The following JHY variants were observed in gnomAD, a reference collection of about 807,000 sequenced individuals.
JHY encodes the protein junctional cadherin complex regulator, also known as jhy protein homolog.
JHY carries 69 observed loss-of-function variants against 78.0 expected under a neutral mutation model. The observed-to-expected ratio is 0.88, with a 90% CI of 0.73 to 1.08. JHY has a LOEUF of 1.08. Among genes scored for constraint, JHY ranks in the 50% least tolerant of loss-of-function variants. The probability of loss-of-function intolerance (pLI) is 0.00; values close to 1 mark genes in which losing one functional copy is unlikely to be tolerated. For missense variants in JHY, 944 were observed against 927.8 expected, an observed-to-expected ratio of 1.02 and a Z score of -0.23; for synonymous variants, 368 against 342.6, an observed-to-expected ratio of 1.07 and a Z score of -0.82.
intron 3 of JHY, among the ~76,000 whole-genome samples, chr11:122,916,036 C>T (rs1336833198): frequency 6.6e-6 from 1 of 151,064 alleles, no homozygotes. Context: ...GGAAGGGTCT[C>T]GGGGGTAGGG....
Position 122,946,779 on chromosome 11 carries a change from G to T in JHY, c.1916G>T (p.Arg639Ile). Reference protein sequence around the residue: ...QLEKGKKHKKRSSSKNTKLKG... With the variant: ...QLEKGKKHKKISSSKNTKLKG... ...GAAAAGGGAAAAAAGCATAAGAAAA[G>T]AAGCAGCAGTAAGGTAATAAAAGCG... The change falls in exon 6 of 9, where the codon AGA becomes ATA. Residue 639 changes from arginine (R) to isoleucine (I), a missense_variant. Physicochemically the swap from Arg to Ile is moderately conservative, Grantham distance 97. Transcript: ENST00000227349. 6.2e-7 allele frequency: 1 copy of T among 1,611,960 alleles called. No homozygotes were observed. The highest frequency in any genetic ancestry group is 2.2e-5 in the East Asian group (1 of 44,868).
At chr11:122,909,411 G>A (rs1260923236) in intron 3 of JHY, among the ~76,000 whole-genome samples, 3 of 152,158 alleles carry the variant, frequency 2.0e-5, no homozygotes, top group Non-Finnish European at 4.4e-5. Flanking sequence ...GTGACGCTCT[G>A]CAAATTACTA....
chr11:122,924,315 C>A lies in JHY; in HGVS notation c.865-582C>A, dbSNP rs1460237986. On this transcript the variant is annotated intron_variant, in intron 3 of 8. Coordinates refer to ENST00000227349, the MANE Select transcript of JHY (RefSeq NM_024806.4). ...TGCATGTGCAGGCTCCGGAGATAGA[C>A]CACCCAGCTCTACTACTTACTAGCT... Among the ~76,000 whole-genome samples the A allele has an allele frequency of 2.6e-5, 4 of 152,114 alleles. No homozygotes were observed. The East Asian group carries it at 7.7e-4, about 29-fold the overall frequency.
At chr11:122,939,023 C>G (rs1196185103) in intron 5 of JHY, among the ~76,000 whole-genome samples, 3 of 149,108 alleles carry the variant, frequency 2.0e-5, no homozygotes, top group Non-Finnish European at 4.4e-5. Context: ...GAGTCTCACT[C>G]TGTTGCCAGG....
intron 2 of JHY, among the ~76,000 whole-genome samples, chr11:122,897,880 A>G (rs1003022187): frequency 6.6e-6 from 1 of 152,198 alleles, no homozygotes; most frequent in Non-Finnish European, 1.5e-5. Context: ...ATTTCCTTAA[A>G]CTGAAGACTA....
chr11:122,925,074 G>C (rs11218892), intron 4 of JHY, 64 bp downstream of exon 4: 2 of 1,246,780 alleles, frequency 1.6e-6, no homozygotes, highest in East Asian at 4.7e-5. Flanking sequence ...AGTAATGATC[G>C]TGACTGAGTT....
At chr11:122,885,735 A>G in intron 1 of JHY, 26 bp from the exon 2 acceptor site, 2 of 744,182 alleles carry the variant, frequency 2.7e-6, no homozygotes, top group East Asian at 5.3e-5. Flanking sequence ...GTGGTCGCAG[A>G]GTAACATAAA....
intron 1 of JHY, among the ~76,000 whole-genome samples, chr11:122,885,370 G>C (rs562072567): frequency 2.4e-4 from 37 of 152,078 alleles, no homozygotes; most frequent in Admixed American, 1.2e-3. Flanking sequence ...GAATAACTAC[G>C]GACCATATTT....
intron 6 of JHY, among the ~76,000 whole-genome samples, chr11:122,948,427 G>C (rs1490188240): frequency 2.8e-5 from 4 of 144,976 alleles, no homozygotes; most frequent in Non-Finnish European, 6.0e-5. Flanking sequence ...TGGGCAACAA[G>C]AGTGAAACTT....
chr11:122,903,798 A>C, intron 2 of JHY, 127 bp from the exon 3 acceptor site: 1 of 1,303,332 alleles, frequency 7.7e-7, no homozygotes, highest in Non-Finnish European at 1.0e-6. Flanking sequence ...TGTGTTTAGC[A>C]TACAGATAAT....
In JHY at chr11:122,891,019, C is replaced by G. The variant is rs528163011; in HGVS notation, c.344+4826C>G. ...CCTGCCTCATGTTAGTCTTCGAAGC[C>G]TCTCCTAGGCACACTCTTGCTGGGA... On this transcript the variant is annotated intron_variant, in intron 2 of 8. Transcript: ENST00000227349. Among the ~76,000 whole-genome samples, 3 of 152,290 alleles carry G rather than the reference C, an allele frequency of 2.0e-5. No individual in the cohort carries two copies. The South Asian group carries it at 6.2e-4, about 32-fold the overall frequency.
In JHY at chr11:122,904,126, G is replaced by C. The variant is rs1330712403; in HGVS notation, c.546G>C (p.Glu182Asp). The C allele has an allele frequency of 9.3e-6, 15 of 1,614,178 alleles. No individual in the cohort carries two copies. The highest frequency in any genetic ancestry group is 1.2e-5 in the Non-Finnish European group (14 of 1,180,030). ...ELSGGKGEQK[E>D]SPQSAASLLG... ...CCGGGGGAAAAGGCGAGCAGAAAGAGAGTCCACAGAGTGCAGCTTCTTTAC... is the reference window on the plus strand; with the variant it reads ...CCGGGGGAAAAGGCGAGCAGAAAGACAGTCCACAGAGTGCAGCTTCTTTAC... The change falls in exon 3 of 9, where the codon GAG (glutamate) becomes GAC (aspartate). Residue 182 changes from glutamate to aspartate, a missense_variant. Glu to Asp is a conservative substitution (Grantham distance 45, BLOSUM62 2). Coordinates refer to ENST00000227349, the MANE Select transcript of JHY (RefSeq NM_024806.4).
At chr11:122,884,223 C>T (rs1455228066) in intron 1 of JHY, among the ~76,000 whole-genome samples, 1 of 152,166 alleles carries the variant, frequency 6.6e-6, no homozygotes, top group East Asian at 1.9e-4. Flanking sequence ...TGAACGTTCC[C>T]TTTTGCCTGT....
At chr11:122,892,050 G>A (rs1451397982) in intron 2 of JHY, among the ~76,000 whole-genome samples, 1 of 152,164 alleles carries the variant, frequency 6.6e-6, no homozygotes, top group Non-Finnish European at 1.5e-5. Flanking sequence ...AGATAGACAT[G>A]AATTATATTT....
At chr11:122,949,602 C>A (rs998938473) in intron 6 of JHY, among the ~76,000 whole-genome samples, 1 of 152,096 alleles carries the variant, frequency 6.6e-6, no homozygotes, top group Admixed American at 6.5e-5. Context: ...CTCTGTGTAC[C>A]CCGGGTCTTC....
chr11:122,931,960 G>A lies in JHY; in HGVS notation c.979-2460G>A, dbSNP rs560256222. Among the ~76,000 whole-genome samples, 17 of 152,174 alleles carry A rather than the reference G, an allele frequency of 1.1e-4. No homozygotes were observed. The South Asian group carries it at 1.2e-3, about 11-fold the overall frequency. ...CAGGATTCCCCCATGCTAACACTCC[G>A]TGTGTGACGCAAAAACCTACTGCCA... On this transcript the variant is annotated intron_variant, in intron 4 of 8. Coordinates refer to ENST00000227349, the MANE Select transcript of JHY (RefSeq NM_024806.4).
intron 6 of JHY, among the ~76,000 whole-genome samples, chr11:122,948,912 C>T (rs1027617510): frequency 2.5e-4 from 38 of 152,086 alleles, no homozygotes; most frequent in African/African-American, 7.7e-4. Flanking sequence ...GGTGAAACCC[C>T]GTCTGTACTA....
rs745831757 is a variant in JHY, at chr11:122,934,701, T to C, written c.1260T>C (p.Ser420=). ...KPESIVIMHA[S]NNDVQASRAL... ...AATCGATTGTGATTATGCATGCCTC[T>C]AACAATGATGTACAAGCCTCAAGGG... The change falls in exon 5 of 9, where the codon TCT becomes TCC. Residue 420 remains serine, a synonymous_variant. Coordinates refer to ENST00000227349, the MANE Select transcript of JHY (RefSeq NM_024806.4). 3.1e-6 allele frequency: 5 copies of C among 1,614,060 alleles called. No homozygotes were observed. The African/African-American group carries it at 4.0e-5, about 13-fold the overall frequency.
Position 122,904,370 on chromosome 11 carries a change from G to T in JHY, c.790G>T (p.Gly264Ter). The T allele has an allele frequency of 1.9e-6, 3 of 1,613,926 alleles. No individual in the cohort carries two copies. In the East Asian group the frequency reaches 6.7e-5, roughly 36 times the overall value. The change falls in exon 3 of 9, where the codon GGA becomes TGA. Residue 264 changes from glycine to a stop codon, truncating the protein, a stop_gained. Transcript: ENST00000227349. LOFTEE classifies it high-confidence loss of function. ...HFVEKNKLTL[G>*]LPTPKTDSYL... ...TGTGGAAAAAAACAAGCTCACTTTG[G>T]GATTACCCACCCCGAAAACGGACTC...
Sources: allele counts gnomAD v4.1 joint callset (sites outside exome capture counted in the v4.1 genomes callset), GRCh38; gene constraint gnomAD v4.1.1; transcripts MANE v1.5; gene names NCBI Gene and HGNC (gene_info 2026-07-23, HGNC 2026-07-21).